FOXO1: variants seen among roughly 807,000 people sequenced by gnomAD.
The protein encoded by FOXO1 is forkhead box O1, also known as forkhead box protein O1.
FOXO1 carries 6 observed loss-of-function variants against 44.1 expected under a neutral mutation model. That is an observed-to-expected ratio of 0.14 (90% CI 0.07 to 0.27). The LOEUF is 0.27. Ranked by LOEUF, FOXO1 falls within the 10% of genes least tolerant of loss-of-function variation. FOXO1 has a pLI of 1.00. For synonymous variants in FOXO1, 380 were observed against 362.7 expected, an observed-to-expected ratio of 1.05 and a Z score of -0.54; for missense variants, 737 against 888.8, an observed-to-expected ratio of 0.83 and a Z score of 2.17.
intron 1 of FOXO1, among the ~76,000 whole-genome samples, chr13:40,586,242 G>GT (rs1875161217): frequency 6.6e-6 from 1 of 152,166 alleles, no homozygotes; most frequent in Non-Finnish European, 1.5e-5. Flanking sequence ...TTCTATCATT[G>GT]TGTGCATATG....
intron 1 of FOXO1, among the ~76,000 whole-genome samples, chr13:40,662,319 AAG>A (rs2137946023): frequency 6.6e-6 from 1 of 152,276 alleles, no homozygotes; most frequent in East Asian, 1.9e-4. Context: ...ATAATATCAA[AAG>A]AGTCAACTCA....
chr13:40,559,831 G>A lies in FOXO1; in HGVS notation c.1660C>T (p.Arg554Cys), dbSNP rs767908809. The A allele has an allele frequency of 9.9e-6, 16 of 1,614,066 alleles. No homozygotes were observed. Among genetic ancestry groups the A allele is most frequent in the South Asian group, 2.2e-5 (2 of 91,042 alleles). Residue 554 changes from arginine (R) to cysteine (C), a missense_variant, in exon 2 of 3, where the codon CGC becomes TGC. By Grantham distance (180) the Arg-to-Cys change is radical. Transcript: ENST00000379561. The part of the protein sequence containing the change: ...STMPHTSGMN[R>C]LTQVKTPVQV... ...ACAGGTGTCTTCACTTGGGTCAGGC[G>A]GTTCATACCCGAGGTGTGGGGCATG...
intron 1 of FOXO1, among the ~76,000 whole-genome samples, chr13:40,593,797 T>C (rs181891610): frequency 3.3e-5 from 5 of 152,328 alleles, no homozygotes; most frequent in African/African-American, 1.2e-4. Context: ...CTGACATCCT[T>C]CTGTGCTCCT....
intron 1 of FOXO1, among the ~76,000 whole-genome samples, chr13:40,658,692 C>G (rs1020692886): frequency 1.2e-4 from 19 of 152,244 alleles, no homozygotes; most frequent in South Asian, 6.2e-4. Context: ...AGATAAGAAA[C>G]GATTTCTCAA....
rs902203565 is a variant in FOXO1, at chr13:40,619,447, T to TG, written c.630+46135dup. 7.5e-6 allele frequency: 9 copies of TG among 1,199,738 alleles called. No homozygotes were observed. The Admixed American group carries it at 1.4e-4, about 18-fold the overall frequency. 74.3% of individuals were successfully genotyped at this position (1,199,738 alleles called of 1,614,324 possible). A position where few individuals can be genotyped will look rare whatever the true frequency, so the allele number is the denominator to read the frequency against. ...AAGTGGACAAAATGGGAATCAAAAT[T>TG]GGAGAGCTGTGAGTCGAACAAACTC... On this transcript the variant is annotated intron_variant, in intron 1 of 2. Coordinates refer to ENST00000379561, the MANE Select transcript of FOXO1 (RefSeq NM_002015.4).
intron 1 of FOXO1, among the ~76,000 whole-genome samples, chr13:40,597,754 G>C (rs1875636512): frequency 6.6e-6 from 1 of 152,194 alleles, no homozygotes; most frequent in Admixed American, 6.5e-5. Flanking sequence ...GTTCACCAGG[G>C]TGAAGGCGCC....
intron 1 of FOXO1, among the ~76,000 whole-genome samples, chr13:40,612,935 G>A (rs572154838): frequency 2.6e-5 from 4 of 152,202 alleles, no homozygotes; most frequent in South Asian, 4.1e-4. Flanking sequence ...ACTGTGTATC[G>A]GTTTATCTAC....
chr13:40,557,210 C>T lies in FOXO1; in HGVS notation c.*1839G>A, dbSNP rs1454146912. On this transcript the variant is annotated 3_prime_UTR_variant, in exon 3 of 3. Coordinates refer to ENST00000379561, the MANE Select transcript of FOXO1 (RefSeq NM_002015.4). The stretch of plus-strand genomic sequence containing the variant: ...ATATACAGAAAAATTAGATCCTTCT[C>T]AAGAACACAAGAGGAACAGTGCTGT... 6.6e-6 allele frequency: 1 copy of T among 152,210 alleles called. No homozygotes were observed. Among genetic ancestry groups the T allele is most frequent in the East Asian group, 1.9e-4 (1 of 5,200 alleles). The allele number at this position is 152,210 out of a possible 1,614,324, so 9.4% of individuals were successfully genotyped here. A position where few individuals can be genotyped will look rare whatever the true frequency, so the allele number is the denominator to read the frequency against.
chr13:40,593,604 A>G (rs746846908), intron 1 of FOXO1, among the ~76,000 whole-genome samples: 2 of 152,196 alleles, frequency 1.3e-5, no homozygotes, highest in Non-Finnish European at 2.9e-5. Flanking sequence ...CTTAATACCT[A>G]TTACTTACTA....
intron 1 of FOXO1, among the ~76,000 whole-genome samples, chr13:40,659,352 A>C (rs1278945661): frequency 6.6e-6 from 1 of 151,218 alleles, no homozygotes; most frequent in Non-Finnish European, 1.5e-5. Flanking sequence ...GAAAAGGAAG[A>C]CTTAGACACA....
intron 1 of FOXO1, among the ~76,000 whole-genome samples, chr13:40,633,375 T>C (rs1249652450): frequency 2.0e-5 from 3 of 152,230 alleles, no homozygotes; most frequent in Non-Finnish European, 2.9e-5. Flanking sequence ...TTTGAAATTA[T>C]TTAAAATCAA....
intron 1 of FOXO1, among the ~76,000 whole-genome samples, chr13:40,571,521 C>T (rs1375907290): frequency 6.6e-6 from 1 of 152,140 alleles, no homozygotes; most frequent in Non-Finnish European, 1.5e-5. Context: ...CAGGGAGGCA[C>T]AGAGGCCAGG....
intron 1 of FOXO1, among the ~76,000 whole-genome samples, chr13:40,633,198 G>A (rs1877033149): frequency 1.3e-5 from 2 of 152,188 alleles, no homozygotes; most frequent in African/African-American, 4.8e-5. Flanking sequence ...CAGTTTGACA[G>A]TTCCTCAAAA....
At chr13:40,564,425 A>G (rs1418810409) in intron 1 of FOXO1, among the ~76,000 whole-genome samples, 1 of 152,218 alleles carries the variant, frequency 6.6e-6, no homozygotes, top group Non-Finnish European at 1.5e-5. Flanking sequence ...CGAACAGGAA[A>G]AGGTTTGCTG....
rs149431147 is a variant in FOXO1, at chr13:40,593,539, A to C, written c.631-32679T>G. ...TACCACTGTAGACTGTGCTTTAAAA[A>C]TATTTCAAGTTCACACTTCAACTAT... On this transcript the variant is annotated intron_variant, in intron 1 of 2. Coordinates refer to ENST00000379561, the MANE Select transcript of FOXO1 (RefSeq NM_002015.4). Among the ~76,000 whole-genome samples the C allele has an allele frequency of 4.3e-3, 661 of 152,328 alleles. 4 individuals carry two copies. Among genetic ancestry groups the C allele is most frequent in the African/African-American group, 0.014 (571 of 41,566 alleles).
At position 40,558,528 on chromosome 13, in the gene FOXO1, G is replaced by T. The variant is rs1240372550; in HGVS notation, c.*521C>A. On this transcript the variant is annotated 3_prime_UTR_variant, in exon 3 of 3. Coordinates refer to ENST00000379561, the MANE Select transcript of FOXO1 (RefSeq NM_002015.4). Reference sequence around the variant, plus strand: ...TCCAAGGCTGTTCAATGGAGATGCAGAATGGAGATTCAGTTCTTTGTGATC... The same window carrying T: ...TCCAAGGCTGTTCAATGGAGATGCATAATGGAGATTCAGTTCTTTGTGATC... 4.2e-6 allele frequency: 1 copy of T among 235,440 alleles called. No homozygotes were observed. The highest frequency in any genetic ancestry group is 8.1e-6 in the Non-Finnish European group (1 of 122,798). The allele number at this position is 235,440 out of a possible 1,614,324, so 14.6% of individuals were successfully genotyped here. A position where few individuals can be genotyped will look rare whatever the true frequency, so the allele number is the denominator to read the frequency against.
At chr13:40,584,026 T>C (rs1429440351) in intron 1 of FOXO1, among the ~76,000 whole-genome samples, 2 of 152,176 alleles carry the variant, frequency 1.3e-5, no homozygotes, top group East Asian at 1.9e-4. Context: ...GGGGTTTTAA[T>C]GGCCTAATCT....
intron 1 of FOXO1, among the ~76,000 whole-genome samples, chr13:40,562,915 C>G (rs1230422542): frequency 3.3e-5 from 5 of 152,216 alleles, no homozygotes. Context: ...CTTCTGGCCC[C>G]CAGCACAGTA....
chr13:40,560,874 C>T lies in FOXO1; in HGVS notation c.631-14G>A, dbSNP rs1190563420. ...ACGAATTGAATTCTGTAAGGCAAAA[C>T]ATCTTATTAGAAGTACAATACTTCT... On this transcript the variant is annotated splice_polypyrimidine_tract_variant and intron_variant, in intron 1 of 2. Coordinates refer to ENST00000379561, the MANE Select transcript of FOXO1 (RefSeq NM_002015.4). This position sits in a 1 kb window ranked among gnomAD's most constrained non-coding sequence, Gnocchi z 5.1. 2 of 1,584,378 alleles carry T rather than the reference C, an allele frequency of 1.3e-6. No homozygotes were observed. Among genetic ancestry groups the T allele is most frequent in the African/African-American group, 1.4e-5 (1 of 73,518 alleles).
Sources: allele counts gnomAD v4.1 joint callset (sites outside exome capture counted in the v4.1 genomes callset), GRCh38; gene constraint gnomAD v4.1.1; non-coding constraint Gnocchi (gnomAD v3.1); transcripts MANE v1.5; gene names NCBI Gene and HGNC (gene_info 2026-07-23, HGNC 2026-07-21).